CXADR: variants seen among roughly 807,000 people sequenced by gnomAD.
CXADR encodes CXADR cell adhesion molecule.
A neutral mutation model predicts 40.3 loss-of-function variants in CXADR; 20 were observed. The ratio of observed to expected loss-of-function variants is 0.50; its 90% CI spans 0.35 to 0.72. The LOEUF (loss-of-function observed/expected upper bound fraction) is 0.72. Ranked by LOEUF, CXADR falls within the 30% of genes least tolerant of loss-of-function variation. The pLI is 0.01. For missense variants in CXADR, 332 were observed against 449.1 expected, an observed-to-expected ratio of 0.74 and a Z score of 2.36; for synonymous variants, 150 against 161.3, an observed-to-expected ratio of 0.93 and a Z score of 0.53.
chr21:17,543,747 A>G (rs2060858641), intron 1 of CXADR, among the ~76,000 whole-genome samples: 1 of 152,230 alleles, frequency 6.6e-6, no homozygotes, highest in African/African-American at 2.4e-5. Context: ...AGGTAGCCGC[A>G]ATTTGCAATT....
At chr21:17,578,118 GTTC>G (rs1429055903) in intron 7 of CXADR, among the ~76,000 whole-genome samples, 1 of 152,086 alleles carries the variant, frequency 6.6e-6, no homozygotes, top group Non-Finnish European at 1.5e-5. Flanking sequence ...CTTAATTTCA[GTTC>G]TTCTGAAAAT....
rs910885790 is a variant in CXADR at position 17,568,465 on chromosome 21, C to G, written c.*2773C>G. The G allele has an allele frequency of 1.0e-6, 1 of 981,770 alleles. No homozygotes were observed. Among genetic ancestry groups the G allele is most frequent in the African/African-American group, 1.8e-5 (1 of 55,452 alleles). 60.8% of individuals were successfully genotyped at this position (981,770 alleles called of 1,614,324 possible). A position where few individuals can be genotyped will look rare whatever the true frequency, so the allele number is the denominator to read the frequency against. On this transcript the variant is annotated 3_prime_UTR_variant, in exon 7 of 7. Transcript: ENST00000284878. ...TTAACAGCAAAGCCATTTTATTCTA[C>G]TTTATAACTGAGAGACTTGATACCA...
chr21:17,602,278 T>C, the CXADR span, among the ~76,000 whole-genome samples: 1 of 152,236 alleles, frequency 6.6e-6, no homozygotes, highest in Admixed American at 6.5e-5. Context: ...CCTTTCTAAC[T>C]ATATGGCACT....
downstream of CXADR, among the ~76,000 whole-genome samples, chr21:17,574,906 A>G (rs991563097): frequency 6.6e-6 from 1 of 151,806 alleles, no homozygotes; most frequent in African/African-American, 2.4e-5. Context: ...TGTGTGTGAT[A>G]TAAACAAGTG....
chr21:17,524,864 G>A (rs1250758304), intron 1 of CXADR, among the ~76,000 whole-genome samples: 1 of 149,386 alleles, frequency 6.7e-6, no homozygotes, highest in African/African-American at 2.5e-5. Flanking sequence ...AGCTATGATT[G>A]CACCACCGCA....
Position 17,561,323 on chromosome 21 carries a change from T to C in CXADR, c.695-15T>C. 1 of 1,489,426 alleles carries C rather than the reference T, an allele frequency of 6.7e-7. No individual in the cohort carries two copies. Among genetic ancestry groups the C allele is most frequent in the Non-Finnish European group, 9.1e-7 (1 of 1,101,460 alleles). The allele number at this position is 1,489,426 out of a possible 1,614,324, so 92.3% of individuals were successfully genotyped here. ...ATATGTATATATTTTTTACTATTAA[T>C]TCTTCTTATTTTAGCTTCAAATAAA... is the stretch of plus-strand genomic sequence containing the variant. On this transcript the variant is annotated splice_polypyrimidine_tract_variant and intron_variant, in intron 5 of 6. Transcript: ENST00000284878.
At chr21:17,513,877 C>T (rs532976122) in intron 1 of CXADR, among the ~76,000 whole-genome samples, 5 of 152,316 alleles carry the variant, frequency 3.3e-5, no homozygotes, top group African/African-American at 4.8e-5. Context: ...AATTCAGTGA[C>T]CTCGTTTTTG....
downstream of CXADR, among the ~76,000 whole-genome samples, chr21:17,594,542 G>A (rs1569169985): frequency 6.6e-6 from 1 of 151,956 alleles, no homozygotes; most frequent in Non-Finnish European, 1.5e-5. Flanking sequence ...AATGCATAAA[G>A]AAATGAATAA....
intron 1 of CXADR, among the ~76,000 whole-genome samples, chr21:17,526,932 C>T (rs2060604893): frequency 6.6e-6 from 1 of 152,064 alleles, no homozygotes; most frequent in African/African-American, 2.4e-5. Flanking sequence ...AGCCAGGAGG[C>T]AAAGGAAGAT....
At chr21:17,533,289 C>T (rs920294691) in intron 1 of CXADR, among the ~76,000 whole-genome samples, 1 of 152,136 alleles carries the variant, frequency 6.6e-6, no homozygotes, top group African/African-American at 2.4e-5. Flanking sequence ...TTCACCCAAA[C>T]CCCTGAACCA....
At chr21:17,614,590 C>G in the CXADR span, among the ~76,000 whole-genome samples, 2 of 152,080 alleles carry the variant, frequency 1.3e-5, no homozygotes, top group African/African-American at 4.8e-5. Flanking sequence ...AAAAAATACA[C>G]AAATTAGCCA....
At chr21:17,590,565 C>T (rs572134019) in intron 7 of CXADR, among the ~76,000 whole-genome samples, 19 of 151,980 alleles carry the variant, frequency 1.3e-4, no homozygotes, top group East Asian at 5.8e-4. Context: ...GTGACAACTT[C>T]GCAGTACGAG....
At chr21:17,560,678 G>A in intron 4 of CXADR, 24 bp from the exon 5 acceptor site, 4 of 1,603,660 alleles carry the variant, frequency 2.5e-6, no homozygotes, top group Non-Finnish European at 3.4e-6. Flanking sequence ...AAATGAGTTT[G>A]TTTTCTTTTT....
chr21:17,552,584 A>C (rs1427052418), intron 3 of CXADR, among the ~76,000 whole-genome samples: 1 of 152,190 alleles, frequency 6.6e-6, no homozygotes, highest in Non-Finnish European at 1.5e-5. Flanking sequence ...TAATCCCTTC[A>C]AATTGAGAAA....
At chr21:17,631,510 T>G in the CXADR span, among the ~76,000 whole-genome samples, 3 of 152,212 alleles carry the variant, frequency 2.0e-5, no homozygotes, top group African/African-American at 4.8e-5. Context: ...TCAACTTGTA[T>G]TCTTTTTTAA....
chr21:17,561,521 G>T, intron 6 of CXADR, 45 bp downstream of exon 6: 1 of 1,520,832 alleles, frequency 6.6e-7, no homozygotes, highest in Non-Finnish European at 8.9e-7. Context: ...CCAAATATAT[G>T]TCATTTCTCT....
chr21:17,581,964 C>T (rs111994944), intron 7 of CXADR, among the ~76,000 whole-genome samples: 2 of 151,648 alleles, frequency 1.3e-5, no homozygotes, highest in Non-Finnish European at 2.9e-5. Context: ...GTTTTGACGG[C>T]GTTTCACTCT....
chr21:17,547,593 G>A (rs1347765967), intron 2 of CXADR, among the ~76,000 whole-genome samples: 2 of 152,164 alleles, frequency 1.3e-5, no homozygotes, highest in Non-Finnish European at 2.9e-5. Flanking sequence ...TTTGTTAAAC[G>A]TTAGACAGAA....
chr21:17,595,110 G>A (rs1569171097), downstream of CXADR, among the ~76,000 whole-genome samples: 1 of 151,882 alleles, frequency 6.6e-6, no homozygotes, highest in Non-Finnish European at 1.5e-5. Context: ...AAGCTCCCCA[G>A]GTGATTCTGA....
Sources: allele counts gnomAD v4.1 joint callset (sites outside exome capture counted in the v4.1 genomes callset), GRCh38; gene constraint gnomAD v4.1.1; transcripts MANE v1.5; gene names NCBI Gene and HGNC (gene_info 2026-07-23, HGNC 2026-07-21).